ULK4: variants seen among roughly 807,000 people sequenced by gnomAD.
ULK4 encodes the protein unc-51 like kinase 4.
In ULK4, 133 loss-of-function variants were observed where a neutral mutation model predicts 160.6. The observed-to-expected ratio is 0.83, with a 90% CI of 0.72 to 0.96. ULK4 has a LOEUF of 0.96. ULK4 is among the 40% of genes least tolerant of loss of function. The pLI is 0.00. For missense variants in ULK4, 1,580 were observed against 1,499.5 expected, an observed-to-expected ratio of 1.05 and a Z score of -0.89; for synonymous variants, 534 against 539.8, an observed-to-expected ratio of 0.99 and a Z score of 0.15.
intron 30 of ULK4, among the ~76,000 whole-genome samples, chr3:41,628,497 C>T (rs772373904): frequency 2.6e-5 from 4 of 152,008 alleles, no homozygotes; most frequent in Non-Finnish European, 5.9e-5. Flanking sequence ...AATCTAATCA[C>T]GGAAAAACAT....
chr3:41,727,102 C>A (rs561886937), intron 22 of ULK4, among the ~76,000 whole-genome samples: 1 of 152,168 alleles, frequency 6.6e-6, no homozygotes, highest in Non-Finnish European at 1.5e-5. Context: ...GAATCCTATG[C>A]GCATTGCACA....
rs1403316838 is a variant in ULK4, at chr3:41,898,584, T to C, written c.1288-92A>G. On this transcript the variant is annotated intron_variant, in intron 13 of 36. Transcript: ENST00000301831. ...TCCCTTATGTCAGATAATAAATCAA[T>C]GAGGACAAAAAAAGAATGTGCAAAA... 7 of 760,686 alleles carry C rather than the reference T, an allele frequency of 9.2e-6. No homozygotes were observed. In the African/African-American group the frequency reaches 1.2e-4, roughly 13 times the overall value. 47.1% of individuals were successfully genotyped at this position (760,686 alleles called of 1,614,324 possible). A position where few individuals can be genotyped will look rare whatever the true frequency, so the allele number is the denominator to read the frequency against.
At chr3:41,881,284 TAAAAAAAAAAAAAAA>T (rs58977381) in intron 17 of ULK4, among the ~76,000 whole-genome samples, 7 of 126,280 alleles carry the variant, frequency 5.5e-5, no homozygotes, top group African/African-American at 1.5e-4. Context: ...CAGAAACTTC[TAAAAAAAAAAAAAAA>T]AAAAAAAAAA....
At position 41,955,047 on chromosome 3, in the gene ULK4, T is replaced by C. The variant is rs544451957; in HGVS notation, c.-48-240A>G. Among the ~76,000 whole-genome samples the C allele has an allele frequency of 8.1e-4, 123 of 152,262 alleles. 1 individual carries two copies. Among genetic ancestry groups the C allele is most frequent in the Admixed American group, 1.5e-3 (23 of 15,302 alleles). ...GGCTCACGCCTGTAATCCCAGCACT[T>C]TGGGAGGCCGAGGCAGGGGGATCAC... On this transcript the variant is annotated intron_variant, in intron 1 of 36. Transcript: ENST00000301831.
intron 32 of ULK4, among the ~76,000 whole-genome samples, chr3:41,489,999 C>T (rs976850600): frequency 1.3e-5 from 2 of 152,092 alleles, no homozygotes; most frequent in African/African-American, 4.8e-5. Context: ...TTTTTCTGTC[C>T]CTATGATTTG....
At chr3:41,762,830 T>C (rs1159034078) in intron 21 of ULK4, among the ~76,000 whole-genome samples, 3 of 151,972 alleles carry the variant, frequency 2.0e-5, no homozygotes, top group Non-Finnish European at 4.4e-5. Context: ...ATCCCACTAA[T>C]TTTTTTCTGT....
intron 17 of ULK4, among the ~76,000 whole-genome samples, chr3:41,876,096 G>T (rs1403253940): frequency 6.6e-6 from 1 of 152,052 alleles, no homozygotes; most frequent in East Asian, 1.9e-4. Context: ...AATCTGGAAT[G>T]TGGAATATTC....
At chr3:41,846,128 A>G (rs972888520) in intron 17 of ULK4, among the ~76,000 whole-genome samples, 1 of 152,236 alleles carries the variant, frequency 6.6e-6, no homozygotes, top group African/African-American at 2.4e-5. Flanking sequence ...CAGTAATGCC[A>G]CAGCAACCTC....
chr3:41,583,475 TTTTATA>T (rs2030540225), intron 31 of ULK4, among the ~76,000 whole-genome samples: 1 of 152,326 alleles, frequency 6.6e-6, no homozygotes, highest in African/African-American at 2.4e-5. Flanking sequence ...GAATACTTCG[TTTTATA>T]TTTATATTTG....
At chr3:41,637,039 C>G (rs113610865) in intron 30 of ULK4, among the ~76,000 whole-genome samples, 1,625 of 152,162 alleles carry the variant, frequency 0.011, 22 homozygotes, top group African/African-American at 0.038. Flanking sequence ...CTAAATCAAG[C>G]TCATTAATAT....
At chr3:41,945,104 AG>A (rs1231376442) in intron 2 of ULK4, among the ~76,000 whole-genome samples, 2 of 152,158 alleles carry the variant, frequency 1.3e-5, no homozygotes, top group South Asian at 2.1e-4. Flanking sequence ...GAGCCGCCAG[AG>A]GAGCACTGGC....
At chr3:41,723,064 C>T (rs556052565) in intron 22 of ULK4, among the ~76,000 whole-genome samples, 47 of 152,246 alleles carry the variant, frequency 3.1e-4, no homozygotes, top group African/African-American at 1.1e-3. Flanking sequence ...TCACCAATAC[C>T]TACTGGTATC....
At chr3:41,283,811 A>G (rs1042270735) in intron 35 of ULK4, among the ~76,000 whole-genome samples, 3 of 149,058 alleles carry the variant, frequency 2.0e-5, no homozygotes, top group Non-Finnish European at 4.4e-5. Flanking sequence ...AAAAAACCCT[A>G]AAGACTCCCC....
intron 32 of ULK4, among the ~76,000 whole-genome samples, chr3:41,534,777 G>C (rs2086439994): frequency 6.6e-6 from 1 of 152,058 alleles, no homozygotes; most frequent in Non-Finnish European, 1.5e-5. Flanking sequence ...TTATCACTTA[G>C]AACTACACCT....
At chr3:41,260,404 T>A (rs956193786) in intron 35 of ULK4, among the ~76,000 whole-genome samples, 1 of 152,236 alleles carries the variant, frequency 6.6e-6, no homozygotes, top group Non-Finnish European at 1.5e-5. Context: ...CTGCTCTGCA[T>A]CCAGGCCCAT....
chr3:41,787,306 T>C (rs186967876), intron 21 of ULK4, among the ~76,000 whole-genome samples: 1 of 152,230 alleles, frequency 6.6e-6, no homozygotes, highest in East Asian at 1.9e-4. Flanking sequence ...TGATGAGGCA[T>C]CCATTCCACT....
At chr3:41,423,925 C>G (rs1208103192) in intron 34 of ULK4, among the ~76,000 whole-genome samples, 3 of 152,160 alleles carry the variant, frequency 2.0e-5, no homozygotes, top group Admixed American at 6.5e-5. Context: ...GGGCCCCAAG[C>G]ACAGAGTTTA....
At chr3:41,484,640 GACGGGGTTTC>G (rs2084452783) in intron 32 of ULK4, among the ~76,000 whole-genome samples, 1 of 151,970 alleles carries the variant, frequency 6.6e-6, no homozygotes, top group Admixed American at 6.6e-5. Flanking sequence ...TTTTAGTAGA[GACGGGGTTTC>G]ACCGTGTTAG....
At chr3:41,936,323 T>G (rs1172613984) in intron 3 of ULK4, among the ~76,000 whole-genome samples, 1 of 152,212 alleles carries the variant, frequency 6.6e-6, no homozygotes, top group Non-Finnish European at 1.5e-5. Flanking sequence ...TTCTGCAAAG[T>G]ACTGCATGGC....
Sources: gnomAD v4.1 joint callset for allele counts (sites outside exome capture counted in the v4.1 genomes callset) on GRCh38, gnomAD v4.1.1 for gene constraint, MANE v1.5 for transcripts, NCBI Gene and HGNC (gene_info 2026-07-23, HGNC 2026-07-21) for gene names.